Variants in ACYP2 observed in about 807,000 individuals in gnomAD.
ACYP2 encodes the protein acylphosphatase-2.
A neutral mutation model predicts 11.2 loss-of-function variants in ACYP2; 12 were observed. That is an observed-to-expected ratio of 1.08 (90% CI 0.69 to 1.74). ACYP2 has a LOEUF of 1.74. Ranked by LOEUF, ACYP2 falls within the 40% of genes most tolerant of loss-of-function variation. The pLI is 0.00. For synonymous variants in ACYP2, 43 were observed against 32.2 expected (o/e 1.33, Z -1.13); for missense variants, 134 against 101.9 (o/e 1.31, Z -1.35).
At chr2:54,201,714 TCTTTC>T (rs1254896918) in intron 6 of ACYP2, among the ~76,000 whole-genome samples, 1 of 145,666 alleles carries the variant, frequency 6.9e-6, no homozygotes, top group Non-Finnish European at 1.5e-5. Flanking sequence ...TCTTTTCTTT[TCTTTC>T]TTCTTTTTTT....
At chr2:54,230,893 C>G (rs566953130) in intron 6 of ACYP2, among the ~76,000 whole-genome samples, 2 of 147,408 alleles carry the variant, frequency 1.4e-5, no homozygotes, top group African/African-American at 5.0e-5. Context: ...TGCAATGGCA[C>G]AATCTCGGCT....
At chr2:54,275,926 TAGG>T (rs953099430) in intron 6 of ACYP2, among the ~76,000 whole-genome samples, 4 of 152,194 alleles carry the variant, frequency 2.6e-5, no homozygotes, top group African/African-American at 7.2e-5. Flanking sequence ...ATATGTATGA[TAGG>T]AGTTTACAAA....
intron 4 of ACYP2, among the ~76,000 whole-genome samples, chr2:54,073,062 G>A (rs571199620): frequency 3.3e-5 from 5 of 152,310 alleles, no homozygotes; most frequent in Non-Finnish European, 5.9e-5. Flanking sequence ...GACTAGAATT[G>A]AGAGTTCAGA....
At chr2:54,171,961 C>T (rs1264666205) in intron 6 of ACYP2, among the ~76,000 whole-genome samples, 4 of 152,066 alleles carry the variant, frequency 2.6e-5, no homozygotes, top group Non-Finnish European at 4.4e-5. Flanking sequence ...CACCTGTAAT[C>T]CTACCACTTT....
At chr2:54,038,641 C>T (rs1400215698) in intron 2 of ACYP2, among the ~76,000 whole-genome samples, 1 of 132,198 alleles carries the variant, frequency 7.6e-6, no homozygotes, top group African/African-American at 2.8e-5. Flanking sequence ...ATACAGTAGG[C>T]ATTCATTCAT....
At position 54,108,523 on chromosome 2, in the gene ACYP2, A is replaced by G. The variant is rs1042536794; in HGVS notation, c.278-26930A>G. Among the ~76,000 whole-genome samples the G allele has an allele frequency of 2.2e-4, 33 of 152,206 alleles. 1 individual carries two copies. On this transcript the variant is annotated intron_variant, in intron 4 of 6. Coordinates refer to ENST00000607452, the MANE Select transcript of ACYP2 (RefSeq NM_001320586.2). ...TTCCCCGGATAGGCTCCTTGCTTCC[A>G]TAGGAAAAGCAAACCTGATACCAGC...
At chr2:53,989,071 C>T (rs1038652696) in intron 2 of ACYP2, among the ~76,000 whole-genome samples, 1 of 151,422 alleles carries the variant, frequency 6.6e-6, no homozygotes, top group Non-Finnish European at 1.5e-5. Flanking sequence ...TAAATAACAC[C>T]ATCTGAAGGC....
intron 6 of ACYP2, among the ~76,000 whole-genome samples, chr2:54,207,872 C>T (rs549632822): frequency 6.6e-6 from 1 of 152,266 alleles, no homozygotes; most frequent in East Asian, 1.9e-4. Flanking sequence ...TCTGTGTGTG[C>T]ATTCAATATT....
chr2:54,096,438 T>G (rs957465569), intron 4 of ACYP2, among the ~76,000 whole-genome samples: 2 of 151,944 alleles, frequency 1.3e-5, no homozygotes, highest in Non-Finnish European at 2.9e-5. Context: ...GGTGGCGGCC[T>G]GGCAGAGGCT....
chr2:53,977,734 C>CA (rs56342315), intron 2 of ACYP2, among the ~76,000 whole-genome samples: 828 of 71,318 alleles, frequency 0.012, 6 homozygotes, highest in African/African-American at 0.029. Context: ...GACTCCATCT[C>CA]AAAAAAAAAA....
chr2:54,005,326 C>G (rs976137908), intron 2 of ACYP2, among the ~76,000 whole-genome samples: 10 of 147,708 alleles, frequency 6.8e-5, no homozygotes, highest in African/African-American at 2.5e-4. Context: ...TCAGTTGACT[C>G]TGTTTATGAA....
chr2:54,143,745 T>G (rs1381898543), intron 6 of ACYP2, among the ~76,000 whole-genome samples: 1 of 121,118 alleles, frequency 8.3e-6, no homozygotes, highest in Non-Finnish European at 1.7e-5. Context: ...TTTTTTTTTT[T>G]TTTTTTTTTT....
intron 6 of ACYP2, among the ~76,000 whole-genome samples, chr2:54,291,901 A>G (rs1689323996): frequency 6.6e-6 from 1 of 152,250 alleles, no homozygotes; most frequent in African/African-American, 2.4e-5. Context: ...ATGGTCTGGT[A>G]GAAACTTTAG....
At chr2:54,041,223 A>C (rs540651056) in intron 2 of ACYP2, among the ~76,000 whole-genome samples, 1 of 152,266 alleles carries the variant, frequency 6.6e-6, no homozygotes, top group African/African-American at 2.4e-5. Flanking sequence ...CTGGGATTAC[A>C]GGCATGAGCC....
At chr2:54,101,816 GA>G (rs1678911030) in intron 4 of ACYP2, among the ~76,000 whole-genome samples, 1 of 152,068 alleles carries the variant, frequency 6.6e-6, no homozygotes, top group African/African-American at 2.4e-5. Context: ...AAATGAAGCA[GA>G]AAGTACAGAG....
chr2:54,051,589 A>T (rs1184149221), intron 3 of ACYP2: 2 of 742,632 alleles, frequency 2.7e-6, no homozygotes, highest in Non-Finnish European at 2.5e-6. Context: ...TGAAGAAACT[A>T]GGAGAGATGT....
chr2:54,292,047 A>G (rs1689331950), intron 6 of ACYP2, among the ~76,000 whole-genome samples: 1 of 151,796 alleles, frequency 6.6e-6, no homozygotes, highest in South Asian at 2.1e-4. Context: ...TTTTAATTTT[A>G]TTTGAATGTA....
chr2:53,990,644 C>T (rs923257035), intron 2 of ACYP2, among the ~76,000 whole-genome samples: 5 of 138,050 alleles, frequency 3.6e-5, no homozygotes, highest in Non-Finnish European at 4.6e-5. Flanking sequence ...AGCAAAACTC[C>T]GTCTTACCAA....
intron 4 of ACYP2, among the ~76,000 whole-genome samples, chr2:54,073,754 A>G (rs895749064): frequency 5.9e-5 from 9 of 152,250 alleles, no homozygotes; most frequent in Non-Finnish European, 1.2e-4. Context: ...AGATTTACAA[A>G]TGGCCAATAA....
Sources: gnomAD v4.1 joint callset for allele counts (sites outside exome capture counted in the v4.1 genomes callset) on GRCh38, gnomAD v4.1.1 for gene constraint, MANE v1.5 for transcripts, NCBI Gene and HGNC (gene_info 2026-07-23, HGNC 2026-07-21) for gene names.